The following RPRD2 variants were observed in gnomAD, a reference collection of about 807,000 sequenced individuals.
RPRD2 encodes the protein regulation of nuclear pre-mRNA domain containing 2.
Under a neutral mutation model 104.4 loss-of-function variants are expected in RPRD2, and 12 were observed. The ratio of observed to expected loss-of-function variants is 0.11; its 90% CI spans 0.07 to 0.19. RPRD2 has a LOEUF of 0.19. RPRD2 is among the 10% of genes least tolerant of loss of function. RPRD2 has a pLI of 1.00. For synonymous variants in RPRD2, 714 were observed against 684.9 expected (o/e 1.04, Z -0.66); for missense variants, 1,543 against 1,790.1 (o/e 0.86, Z 2.49).
At chr1:150,390,668 G>A (rs1661997720) in intron 1 of RPRD2, among the ~76,000 whole-genome samples, 1 of 152,116 alleles carries the variant, frequency 6.6e-6, no homozygotes, top group South Asian at 2.1e-4. Flanking sequence ...AAAACTTAGT[G>A]GATGATTTGA....
At chr1:150,421,563 A>G (rs1553889626) in intron 2 of RPRD2, among the ~76,000 whole-genome samples, 1 of 152,194 alleles carries the variant, frequency 6.6e-6, no homozygotes, top group East Asian at 1.9e-4. Flanking sequence ...CGGTTATCAA[A>G]TATATCTTAA....
At chr1:150,431,410 A>T (rs1398882557) in intron 2 of RPRD2, among the ~76,000 whole-genome samples, 4 of 150,432 alleles carry the variant, frequency 2.7e-5, no homozygotes, top group Admixed American at 6.7e-5. Context: ...TTGTCAGTGG[A>T]TGAATGGATA....
chr1:150,451,490 T>G (rs1204907695), intron 7 of RPRD2, among the ~76,000 whole-genome samples: 1 of 151,452 alleles, frequency 6.6e-6, no homozygotes, highest in East Asian at 1.9e-4. Context: ...CTGGCTAACA[T>G]CGTGAAACCC....
Position 150,464,619 on chromosome 1 carries a change from A to G in RPRD2, c.1504A>G (p.Thr502Ala), listed in dbSNP as rs199825347. 151 of 1,611,934 alleles carry G rather than the reference A, an allele frequency of 9.4e-5. No homozygotes were observed. The highest frequency in any genetic ancestry group is 2.6e-4 in the South Asian group (24 of 90,660). The part of the protein sequence containing the change: ...GLKTPAPATT[T>A]SHNPLANILS... ...GAAAACACCTGCACCTGCCACGACA[A>G]CATCTCACAACCCTCTGGCAAATAT... The change falls in exon 10 of 11, where the codon ACA becomes GCA. Residue 502 changes from threonine (T) to alanine (A), a missense_variant. Coordinates refer to ENST00000369068, the MANE Select transcript of RPRD2 (RefSeq NM_015203.5).
intron 6 of RPRD2, 86 bp downstream of exon 6, chr1:150,444,463 G>T: frequency 7.3e-7 from 1 of 1,365,778 alleles, no homozygotes; most frequent in South Asian, 1.4e-5. Flanking sequence ...TACCTCATAA[G>T]GAGATCCTTG....
At chr1:150,365,021 G>A in intron 1 of RPRD2, 102 bp downstream of exon 1, 1 of 1,239,694 alleles carries the variant, frequency 8.1e-7, no homozygotes, top group Non-Finnish European at 1.1e-6. Context: ...CATTTGGTTG[G>A]GGTTGTTCAC....
chr1:150,371,255 T>C (rs782186189), intron 1 of RPRD2, among the ~76,000 whole-genome samples: 19 of 152,374 alleles, frequency 1.2e-4, no homozygotes, highest in Non-Finnish European at 2.1e-4. Flanking sequence ...GGCACTGTTC[T>C]AAGCATTTTA....
Position 150,475,850 on chromosome 1 carries a change from G to C in RPRD2, c.*2516G>C, listed in dbSNP as rs977557461. 18 of 152,070 alleles carry C rather than the reference G, an allele frequency of 1.2e-4. No homozygotes were observed. Among genetic ancestry groups the C allele is most frequent in the African/African-American group, 3.9e-4 (16 of 41,378 alleles). 9.4% of individuals were successfully genotyped at this position (152,070 alleles called of 1,614,324 possible). ...CTCTGACTTTTGTATTTCAACCTGA[G>C]TTTAAACAAATAAACAAGATATTTT... On this transcript the variant is annotated 3_prime_UTR_variant, in exon 11 of 11. Transcript: ENST00000369068.
rs1668632847 is a variant in RPRD2 at position 150,472,171 on chromosome 1, C to T, written c.3223C>T (p.Pro1075Ser). The T allele has an allele frequency of 2.5e-6, 4 of 1,613,828 alleles. No homozygotes were observed. Among genetic ancestry groups the T allele is most frequent in the Admixed American group, 1.7e-5 (1 of 60,002 alleles). Residue 1075 changes from proline (P) to serine (S), a missense_variant, in exon 11 of 11, where the codon CCT (proline) becomes TCT (serine). Coordinates refer to ENST00000369068, the MANE Select transcript of RPRD2 (RefSeq NM_015203.5). ...TRVSSSCLDLPDSTEEKGAPI... is the reference protein window; with the variant it reads ...TRVSSSCLDLSDSTEEKGAPI... ...CGTCTCCTCCTCCTGCTTAGACTTGCCTGATAGCACAGAAGAAAAGGGGGC... is the reference window on the plus strand; with the variant it reads ...CGTCTCCTCCTCCTGCTTAGACTTGTCTGATAGCACAGAAGAAAAGGGGGC...
chr1:150,421,197 A>T (rs1390497301), intron 2 of RPRD2, among the ~76,000 whole-genome samples: 1 of 152,230 alleles, frequency 6.6e-6, no homozygotes, highest in African/African-American at 2.4e-5. Flanking sequence ...GAACATACAA[A>T]ATCAGTAGCT....
chr1:150,373,887 G>A (rs1050421445), intron 1 of RPRD2, among the ~76,000 whole-genome samples: 1 of 152,088 alleles, frequency 6.6e-6, no homozygotes, highest in African/African-American at 2.4e-5. Flanking sequence ...AGAGCAGCAA[G>A]TACAGATATA....
At chr1:150,399,484 C>T (rs978934423) in intron 1 of RPRD2, among the ~76,000 whole-genome samples, 11 of 152,022 alleles carry the variant, frequency 7.2e-5, no homozygotes, top group Admixed American at 3.9e-4. Flanking sequence ...CGGCTGGGCG[C>T]GGTGGCTCAT....
chr1:150,469,324 G>C (rs1192147468), intron 10 of RPRD2, among the ~76,000 whole-genome samples: 1 of 152,118 alleles, frequency 6.6e-6, no homozygotes, highest in East Asian at 1.9e-4. Context: ...CACCCAGGCT[G>C]GTGTGCAGTG....
intron 1 of RPRD2, among the ~76,000 whole-genome samples, chr1:150,413,957 G>C (rs1251360400): frequency 6.6e-6 from 1 of 152,040 alleles, no homozygotes; most frequent in Non-Finnish European, 1.5e-5. Flanking sequence ...GCCAGACATG[G>C]TGGCATGTGA....
At chr1:150,421,960 G>A (rs1664783076) in intron 2 of RPRD2, among the ~76,000 whole-genome samples, 1 of 151,978 alleles carries the variant, frequency 6.6e-6, no homozygotes. Context: ...CTCCAGCCTG[G>A]GTGACAGAGC....
At chr1:150,367,740 T>G (rs78056751) in intron 1 of RPRD2, among the ~76,000 whole-genome samples, 3 of 151,922 alleles carry the variant, frequency 2.0e-5, no homozygotes, top group Non-Finnish European at 4.4e-5. Flanking sequence ...TTTTTTTTTT[T>G]GAGATGGAGT....
chr1:150,419,070 T>C (rs782715269), intron 2 of RPRD2, among the ~76,000 whole-genome samples: 1 of 152,194 alleles, frequency 6.6e-6, no homozygotes, highest in East Asian at 1.9e-4. Flanking sequence ...GCCCTTCTTT[T>C]TGAATGCCTA....
chr1:150,418,826 T>A (rs1443381933), intron 2 of RPRD2, among the ~76,000 whole-genome samples: 5 of 152,068 alleles, frequency 3.3e-5, no homozygotes, highest in Non-Finnish European at 7.4e-5. Flanking sequence ...CATCAAGAGA[T>A]GGTAAAACCC....
At chr1:150,379,672 G>A (rs1660986829) in intron 1 of RPRD2, among the ~76,000 whole-genome samples, 1 of 152,174 alleles carries the variant, frequency 6.6e-6, no homozygotes, top group Non-Finnish European at 1.5e-5. Flanking sequence ...TAAGCACTGG[G>A]ATTACAGGTG....
Sources: gnomAD v4.1 joint callset for allele counts (sites outside exome capture counted in the v4.1 genomes callset) on GRCh38, gnomAD v4.1.1 for gene constraint, MANE v1.5 for transcripts, NCBI Gene and HGNC (gene_info 2026-07-23, HGNC 2026-07-21) for gene names.